The following SAMD3 variants were observed in gnomAD, a reference collection of about 807,000 sequenced individuals.
SAMD3 encodes sterile alpha motif domain-containing protein 3.
A neutral mutation model predicts 58.5 loss-of-function variants in SAMD3; 63 were observed. That is an observed-to-expected ratio of 1.08 (90% CI 0.88 to 1.33). The LOEUF is 1.33. SAMD3 is among the 40% of genes most tolerant of loss of function. SAMD3 has a pLI of 0.00. For missense variants in SAMD3, 604 were observed against 608.4 expected (o/e 0.99, Z 0.08); for synonymous variants, 220 against 210.3 (o/e 1.05, Z -0.40).
chr6:130,275,950 T>C (rs982715347), intron 2 of SAMD3, among the ~76,000 whole-genome samples: 1 of 152,152 alleles, frequency 6.6e-6, no homozygotes, highest in African/African-American at 2.4e-5. Context: ...AATCTATGAA[T>C]ATGTTGCCTT....
intron 5 of SAMD3, among the ~76,000 whole-genome samples, chr6:130,190,282 A>G (rs1417792646): frequency 6.6e-6 from 1 of 151,046 alleles, no homozygotes; most frequent in Non-Finnish European, 1.5e-5. Flanking sequence ...CCACACTGTA[A>G]CATTCATATT....
intron 5 of SAMD3, among the ~76,000 whole-genome samples, chr6:130,200,056 TCAA>T (rs1794497802): frequency 6.6e-6 from 1 of 152,094 alleles, no homozygotes; most frequent in Non-Finnish European, 1.5e-5. Context: ...AGTGTGAGAT[TCAA>T]GGCCTCGGGA....
At chr6:130,289,079 C>G (rs1037320299) in intron 2 of SAMD3, among the ~76,000 whole-genome samples, 7 of 152,120 alleles carry the variant, frequency 4.6e-5, no homozygotes, top group African/African-American at 1.7e-4. Flanking sequence ...GACTACACAT[C>G]TAATAAATAA....
At chr6:130,343,409 G>A (rs1248874620) in intron 1 of SAMD3, among the ~76,000 whole-genome samples, 1 of 151,942 alleles carries the variant, frequency 6.6e-6, no homozygotes, top group African/African-American at 2.4e-5. Flanking sequence ...AATAATAAAA[G>A]GCATATCTCT....
chr6:130,285,213 G>C (rs1229409434), intron 2 of SAMD3, among the ~76,000 whole-genome samples: 3 of 152,176 alleles, frequency 2.0e-5, no homozygotes, highest in African/African-American at 7.2e-5. Context: ...TAAACATGGA[G>C]CTTGAAGAGA....
chr6:130,305,299 C>G (rs62433908), intron 2 of SAMD3, among the ~76,000 whole-genome samples: 25,639 of 152,030 alleles, frequency 0.17, 2,413 homozygotes, highest in East Asian at 0.36. Flanking sequence ...TCTTATATAT[C>G]CTAATATTTT....
chr6:130,355,280 C>T (rs1032746644), intron 1 of SAMD3, among the ~76,000 whole-genome samples: 2 of 152,018 alleles, frequency 1.3e-5, no homozygotes. Context: ...AACAATTAGC[C>T]GAGCATGGTA....
chr6:130,340,733 T>C (rs1018794353), intron 1 of SAMD3, among the ~76,000 whole-genome samples: 8 of 152,226 alleles, frequency 5.3e-5, no homozygotes, highest in Non-Finnish European at 1.2e-4. Flanking sequence ...CTAGGTCTGA[T>C]CCAATTGGAT....
intron 4 of SAMD3, among the ~76,000 whole-genome samples, chr6:130,213,102 G>A (rs946147427): frequency 1.3e-5 from 2 of 152,068 alleles, no homozygotes; most frequent in African/African-American, 4.8e-5. Flanking sequence ...GGGCAACACA[G>A]TGAAACCACC....
At chr6:130,144,893 A>G (rs2114535028) in intron 11 of SAMD3, 89 bp from the exon 12 acceptor site, 3 of 1,184,436 alleles carry the variant, frequency 2.5e-6, no homozygotes, top group Non-Finnish European at 3.5e-6. Flanking sequence ...ACAATAAATC[A>G]GCTTGTTGCA....
At chr6:130,187,868 A>G (rs1309644364) in intron 5 of SAMD3, among the ~76,000 whole-genome samples, 3 of 152,170 alleles carry the variant, frequency 2.0e-5, no homozygotes, top group East Asian at 3.8e-4. Flanking sequence ...CTCTAACCCA[A>G]GGTATCTCAA....
At chr6:130,241,206 C>CTT (rs57573903) in intron 2 of SAMD3, among the ~76,000 whole-genome samples, 49 of 109,236 alleles carry the variant, frequency 4.5e-4, no homozygotes, top group East Asian at 7.5e-4. Flanking sequence ...CTTAAACCTC[C>CTT]TTTTTTTTTT....
chr6:130,304,900 A>G (rs1318328775), intron 2 of SAMD3, among the ~76,000 whole-genome samples: 10 of 148,216 alleles, frequency 6.7e-5, no homozygotes, highest in Admixed American at 3.4e-4. Flanking sequence ...AGTTGCTACT[A>G]TAAACACTAA....
chr6:130,264,898 G>A (rs1211772557), intron 2 of SAMD3, among the ~76,000 whole-genome samples: 1 of 152,060 alleles, frequency 6.6e-6, no homozygotes, highest in Non-Finnish European at 1.5e-5. Flanking sequence ...CAGACTGTAG[G>A]GCGCTGGCAA....
intron 1 of SAMD3, among the ~76,000 whole-genome samples, chr6:130,361,176 G>T (rs2115046755): frequency 6.6e-6 from 1 of 152,028 alleles, no homozygotes; most frequent in East Asian, 1.9e-4. Flanking sequence ...CAAGGATATT[G>T]ATTGGGGAAG....
chr6:130,223,749 C>T (rs562013123), upstream of SAMD3, among the ~76,000 whole-genome samples: 13 of 152,280 alleles, frequency 8.5e-5, no homozygotes, highest in Admixed American at 3.3e-4. Context: ...AGCATGCAGA[C>T]GGGCAGGTCA....
chr6:130,322,244 A>G (rs1278239923), intron 1 of SAMD3, among the ~76,000 whole-genome samples: 1 of 152,192 alleles, frequency 6.6e-6, no homozygotes, highest in African/African-American at 2.4e-5. Flanking sequence ...CCACAGCTTC[A>G]GGAACCAGCA....
At chr6:130,179,626 A>G (rs1207029534) in intron 7 of SAMD3, among the ~76,000 whole-genome samples, 1 of 151,858 alleles carries the variant, frequency 6.6e-6, no homozygotes, top group Non-Finnish European at 1.5e-5. Flanking sequence ...AAAAAATTAA[A>G]GAGACATAAT....
chr6:130,219,119 C>T (rs1210929826), intron 1 of SAMD3, among the ~76,000 whole-genome samples: 3 of 152,134 alleles, frequency 2.0e-5, no homozygotes, highest in South Asian at 4.1e-4. Flanking sequence ...ACCAGTTTTC[C>T]TTCGTTTTAG....
Sources: allele counts gnomAD v4.1 joint callset (sites outside exome capture counted in the v4.1 genomes callset), GRCh38; gene constraint gnomAD v4.1.1; transcripts MANE v1.5; gene names NCBI Gene and HGNC (gene_info 2026-07-23, HGNC 2026-07-21).